VAC14: variants seen among roughly 807,000 people sequenced by gnomAD.
VAC14 encodes the protein VAC14 component of PIKFYVE complex.
VAC14 carries 47 observed loss-of-function variants against 85.3 expected under a neutral mutation model. The observed-to-expected ratio is 0.55, with a 90% CI of 0.44 to 0.70. The LOEUF is 0.70. Among genes scored for constraint, VAC14 ranks in the 30% least tolerant of loss-of-function variants. The pLI is 0.00. For synonymous variants in VAC14, 447 were observed against 430.5 expected, an observed-to-expected ratio of 1.04 and a Z score of -0.47; for missense variants, 861 against 1,004.3, an observed-to-expected ratio of 0.86 and a Z score of 1.93.
chr16:70,726,635 T>C (rs1309892764), intron 14 of VAC14, among the ~76,000 whole-genome samples: 1 of 152,194 alleles, frequency 6.6e-6, no homozygotes, highest in Non-Finnish European at 1.5e-5. Context: ...GAGCCCCAAA[T>C]GAGTGCCTCG....
chr16:70,787,177 T>C (rs2034104529), intron 1 of VAC14, among the ~76,000 whole-genome samples: 1 of 152,134 alleles, frequency 6.6e-6, no homozygotes, highest in Non-Finnish European at 1.5e-5. Context: ...TTGGAGAAGC[T>C]GGGCTGGGGC....
intron 14 of VAC14, 70 bp downstream of exon 14, chr16:70,731,425 C>G (rs2054586932): frequency 1.3e-6 from 2 of 1,569,060 alleles, no homozygotes; most frequent in Admixed American, 1.9e-5. Context: ...TGCTTTGACA[C>G]TTGAATGGCG....
chr16:70,698,898 A>G (rs531329709), intron 14 of VAC14, 87 bp from the exon 15 acceptor site: 1 of 1,303,042 alleles, frequency 7.7e-7, no homozygotes, highest in South Asian at 1.3e-5. Flanking sequence ...TTGGTTTTGC[A>G]GCGTCCTGGG....
chr16:70,800,214 A>G (rs777475934), intron 1 of VAC14, among the ~76,000 whole-genome samples: 1 of 152,278 alleles, frequency 6.6e-6, no homozygotes, highest in African/African-American at 2.4e-5. Context: ...TCATTGTTAC[A>G]CATACATGTA....
rs562125591 is a variant in VAC14, at chr16:70,762,296, C to T, written c.1371+244G>A. On this transcript the variant is annotated intron_variant, in intron 12 of 18. Transcript: ENST00000261776. The surrounding 1 kb of genome is among the most constrained non-coding windows in gnomAD (Gnocchi z 4.1). Reference sequence around the variant, plus strand: ...CTAATTTTTGTATTTTGAGTAGAGACGGAGTTTCACCATGTTGGCCAGGCT... The same window carrying T: ...CTAATTTTTGTATTTTGAGTAGAGATGGAGTTTCACCATGTTGGCCAGGCT... Among the ~76,000 whole-genome samples, 19 of 152,200 alleles carry T rather than the reference C, an allele frequency of 1.2e-4. No homozygotes were observed. Among genetic ancestry groups the T allele is most frequent in the Middle Eastern group, 3.4e-3 (1 of 294 alleles).
At chr16:70,721,363 C>T (rs1196686069) in intron 14 of VAC14, among the ~76,000 whole-genome samples, 3 of 149,896 alleles carry the variant, frequency 2.0e-5, no homozygotes, top group South Asian at 4.2e-4. Context: ...AACAGGAAGC[C>T]GAGGAAGAGG....
intron 10 of VAC14, 94 bp from the exon 11 acceptor site, chr16:70,763,119 G>T: frequency 6.4e-7 from 1 of 1,558,206 alleles, no homozygotes. Flanking sequence ...CACATCCTGA[G>T]TCACACACTG....
intron 13 of VAC14, 91 bp from the exon 14 acceptor site, chr16:70,731,718 CA>C: frequency 7.3e-7 from 1 of 1,378,426 alleles, no homozygotes; most frequent in Non-Finnish European, 9.7e-7. Flanking sequence ...CTATAAATGC[CA>C]AAAAGATGTG....
At chr16:70,798,505 C>T (rs2143369303) in intron 1 of VAC14, among the ~76,000 whole-genome samples, 1 of 152,294 alleles carries the variant, frequency 6.6e-6, no homozygotes, top group South Asian at 2.1e-4. Context: ...GCTGGTGAAG[C>T]ACAGATAAGT....
Position 70,783,154 on chromosome 16 carries a change from AG to A in VAC14, c.705-16del. 3.7e-6 allele frequency: 6 copies of A among 1,611,866 alleles called. No homozygotes were observed. The highest frequency in any genetic ancestry group is 5.1e-6 in the Non-Finnish European group (6 of 1,178,636). On this transcript the variant is annotated splice_polypyrimidine_tract_variant and intron_variant, in intron 6 of 18. Transcript: ENST00000261776. ...CAACCTCACACCTATGAACAAGAAC[AG>A]GAAAGTGGAAACAGCGAGGGTCAGC...
intron 10 of VAC14, chr16:70,771,540 T>C (rs1211684146): frequency 6.6e-6 from 1 of 151,998 alleles, no homozygotes; most frequent in Non-Finnish European, 1.5e-5. Flanking sequence ...ATAGCTTAAT[T>C]TTTTTTTAAT....
At chr16:70,725,862 G>T (rs944142844) in intron 14 of VAC14, among the ~76,000 whole-genome samples, 2 of 152,194 alleles carry the variant, frequency 1.3e-5, no homozygotes, top group Non-Finnish European at 2.9e-5. Flanking sequence ...TAACTGGGCC[G>T]GTTCGGATCA....
intron 10 of VAC14, among the ~76,000 whole-genome samples, chr16:70,765,650 G>A (rs760005135): frequency 5.3e-5 from 8 of 152,096 alleles, no homozygotes; most frequent in Non-Finnish European, 1.2e-4. Flanking sequence ...AATCTCACCC[G>A]CCACACGGCA....
chr16:70,688,125 G>C, intron 18 of VAC14, 35 bp from the exon 19 acceptor site: 1 of 1,503,220 alleles, frequency 6.7e-7, no homozygotes, highest in Non-Finnish European at 9.0e-7. Flanking sequence ...CAGTGTCAGG[G>C]ATCAGCTCAC....
At chr16:70,730,887 G>A (rs1369099420) in intron 14 of VAC14, among the ~76,000 whole-genome samples, 1 of 152,112 alleles carries the variant, frequency 6.6e-6, no homozygotes, top group African/African-American at 2.4e-5. Context: ...ACCTGGCTTT[G>A]GTGTAGAAGC....
intron 1 of VAC14, among the ~76,000 whole-genome samples, chr16:70,795,960 T>A (rs529078137): frequency 6.6e-6 from 1 of 152,242 alleles, no homozygotes; most frequent in South Asian, 2.1e-4. Context: ...TCAGAGTGCC[T>A]GCTAGCATTT....
intron 14 of VAC14, among the ~76,000 whole-genome samples, chr16:70,722,307 G>C (rs1243866706): frequency 1.3e-5 from 2 of 152,188 alleles, no homozygotes; most frequent in Non-Finnish European, 2.9e-5. Context: ...ATCTGAGGCG[G>C]AATTCTGTGC....
intron 18 of VAC14, chr16:70,689,016 CAG>C (rs2053549840): frequency 1.2e-5 from 12 of 985,218 alleles, no homozygotes; most frequent in Non-Finnish European, 1.4e-5. Context: ...CTCAGCTAAG[CAG>C]AGAGTCTTGG....
In VAC14 at chr16:70,762,292, G is replaced by T. The variant is rs193072431; in HGVS notation, c.1371+248C>A. ...CCGGCTAATTTTTGTATTTTGAGTA[G>T]AGACGGAGTTTCACCATGTTGGCCA... On this transcript the variant is annotated intron_variant, in intron 12 of 18. Coordinates refer to ENST00000261776, the MANE Select transcript of VAC14 (RefSeq NM_018052.5). The surrounding 1 kb of genome is among the most constrained non-coding windows in gnomAD (Gnocchi z 4.1). 2.0e-5 allele frequency among the ~76,000 whole-genome samples: 3 copies of T among 152,092 alleles called. No homozygotes were observed. Among genetic ancestry groups the T allele is most frequent in the Non-Finnish European group, 4.4e-5 (3 of 68,016 alleles).
Sources: gnomAD v4.1 joint callset for allele counts (sites outside exome capture counted in the v4.1 genomes callset) on GRCh38, gnomAD v4.1.1 for gene constraint, Gnocchi (gnomAD v3.1) non-coding constraint, MANE v1.5 for transcripts, NCBI Gene and HGNC (gene_info 2026-07-23, HGNC 2026-07-21) for gene names.